The following RAB38 variants were observed in gnomAD, a reference collection of about 807,000 sequenced individuals.
RAB38 encodes RAB38, member RAS oncogene family.
Under a neutral mutation model 18.4 loss-of-function variants are expected in RAB38, and 15 were observed. The observed-to-expected ratio is 0.82, with a 90% CI of 0.55 to 1.26. The LOEUF (loss-of-function observed/expected upper bound fraction) is 1.26, where lower values mean the gene tolerates loss of function less well. Ranked by LOEUF, RAB38 falls within the 50% of genes most tolerant of loss-of-function variation. The pLI is 0.00. For synonymous variants in RAB38, 101 were observed against 104.4 expected (o/e 0.97, Z 0.20); for missense variants, 294 against 267.4 (o/e 1.10, Z -0.69).
the RAB38 span, among the ~76,000 whole-genome samples, chr11:88,096,953 A>C: frequency 3.2e-4 from 48 of 149,210 alleles, no homozygotes; most frequent in Non-Finnish European, 5.0e-4. Context: ...AAATAAAAAA[A>C]CACATTTCTT....
the RAB38 span, among the ~76,000 whole-genome samples, chr11:88,086,661 C>T: frequency 6.6e-6 from 1 of 151,826 alleles, no homozygotes; most frequent in African/African-American, 2.4e-5. Flanking sequence ...CCTCAACACA[C>T]CAGTAAATGA....
chr11:87,964,581 A>T, the RAB38 span, among the ~76,000 whole-genome samples: 1 of 152,090 alleles, frequency 6.6e-6, no homozygotes, highest in Admixed American at 6.6e-5. Context: ...TAAATAGACG[A>T]TGGGAGAAGA....
chr11:87,950,963 T>G, the RAB38 span, among the ~76,000 whole-genome samples: 1 of 152,216 alleles, frequency 6.6e-6, no homozygotes, highest in Non-Finnish European at 1.5e-5. Context: ...TTCTCCTGGA[T>G]AATATCCTGC....
intron 2 of RAB38, among the ~76,000 whole-genome samples, chr11:88,147,026 G>A (rs12270940): frequency 0.29 from 44,392 of 152,088 alleles, 7,348 homozygotes; most frequent in African/African-American, 0.44. Context: ...TAGTGGTTGA[G>A]CAAGGAACGT....
intron 2 of RAB38, among the ~76,000 whole-genome samples, chr11:88,133,205 T>G (rs962550917): frequency 1.3e-5 from 2 of 152,190 alleles, no homozygotes; most frequent in Non-Finnish European, 2.9e-5. Context: ...CCAATTCACT[T>G]GAACAACAGC....
chr11:88,077,033 A>AAAAGAAAGC, the RAB38 span, among the ~76,000 whole-genome samples: 171 of 109,096 alleles, frequency 1.6e-3, no homozygotes, highest in African/African-American at 4.5e-3. Flanking sequence ...GAAAAGAAAG[A>AAAAGAAAGC]AAGCAAGCAA....
At chr11:87,955,873 GCACACACACA>G in the RAB38 span, among the ~76,000 whole-genome samples, 1,517 of 148,608 alleles carry the variant, frequency 0.01, 8 homozygotes, top group Non-Finnish European at 0.012. Context: ...CAAACAGTAT[GCACACACACA>G]CACACACACA....
At chr11:88,057,876 T>C in the RAB38 span, among the ~76,000 whole-genome samples, 2 of 152,064 alleles carry the variant, frequency 1.3e-5, no homozygotes, top group South Asian at 2.1e-4. Context: ...ACTTTCCCCA[T>C]TAACAGGAGG....
At chr11:88,012,898 C>T in the RAB38 span, among the ~76,000 whole-genome samples, 1 of 152,094 alleles carries the variant, frequency 6.6e-6, no homozygotes, top group South Asian at 2.1e-4. Flanking sequence ...ACTCAGCATA[C>T]ACAATTTAAA....
intron 1 of RAB38, among the ~76,000 whole-genome samples, chr11:88,152,804 C>T (rs966818523): frequency 6.6e-6 from 1 of 152,212 alleles, no homozygotes; most frequent in Admixed American, 6.5e-5. Flanking sequence ...TTTTAGATCA[C>T]TTATTCAACA....
the RAB38 span, among the ~76,000 whole-genome samples, chr11:87,908,651 AT>A: frequency 1.3e-5 from 2 of 151,736 alleles, no homozygotes; most frequent in Admixed American, 1.3e-4. Flanking sequence ...AGGTTGAGTC[AT>A]TTTTTTTAAG....
the RAB38 span, among the ~76,000 whole-genome samples, chr11:88,030,006 G>A: frequency 1.3e-5 from 2 of 152,000 alleles, no homozygotes; most frequent in African/African-American, 4.8e-5. Flanking sequence ...AAATGTAAAA[G>A]AACAGAAGTT....
chr11:87,961,510 C>A, the RAB38 span, among the ~76,000 whole-genome samples: 5 of 152,088 alleles, frequency 3.3e-5, no homozygotes, highest in South Asian at 1.0e-3. Context: ...CAGTATTCAT[C>A]CCCCAACATC....
At chr11:87,881,747 G>A in the RAB38 span, among the ~76,000 whole-genome samples, 1 of 151,554 alleles carries the variant, frequency 6.6e-6, no homozygotes, top group African/African-American at 2.4e-5. Flanking sequence ...CTCACTTTCT[G>A]CTGTGGCTTT....
the RAB38 span, among the ~76,000 whole-genome samples, chr11:87,917,645 G>A: frequency 0.05 from 7,462 of 148,970 alleles, 582 homozygotes; most frequent in African/African-American, 0.17. Flanking sequence ...AACAAGGAGA[G>A]AACATGCCTT....
At chr11:88,028,148 A>G in the RAB38 span, among the ~76,000 whole-genome samples, 1 of 152,212 alleles carries the variant, frequency 6.6e-6, no homozygotes, top group Non-Finnish European at 1.5e-5. Context: ...GCAAACTCCA[A>G]CAGACCTGCA....
At chr11:88,049,543 C>T in the RAB38 span, among the ~76,000 whole-genome samples, 21 of 151,978 alleles carry the variant, frequency 1.4e-4, no homozygotes, top group Admixed American at 7.9e-4. Context: ...ACTCTCTTTT[C>T]GGACTCAGCC....
the RAB38 span, among the ~76,000 whole-genome samples, chr11:88,023,549 A>G: frequency 6.6e-6 from 1 of 152,024 alleles, no homozygotes; most frequent in Non-Finnish European, 1.5e-5. Flanking sequence ...AAAAAAAAAT[A>G]CTAAAATTTC....
the RAB38 span, among the ~76,000 whole-genome samples, chr11:87,868,171 T>TG: frequency 6.6e-6 from 1 of 151,646 alleles, no homozygotes; most frequent in Non-Finnish European, 1.5e-5. Flanking sequence ...GTTTGGGTCA[T>TG]GGGGGCAAAT....
Sources: allele counts gnomAD v4.1 joint callset (sites outside exome capture counted in the v4.1 genomes callset), GRCh38; gene constraint gnomAD v4.1.1; transcripts MANE v1.5; gene names NCBI Gene and HGNC (gene_info 2026-07-23, HGNC 2026-07-21).